The following STPG2 variants were observed in gnomAD, a reference collection of about 807,000 sequenced individuals.
STPG2 encodes the protein sperm tail PG-rich repeat containing 2.
A neutral mutation model predicts 54.2 loss-of-function variants in STPG2; 56 were observed. The ratio of observed to expected loss-of-function variants is 1.03; its 90% confidence interval spans 0.83 to 1.29. The LOEUF (loss-of-function observed/expected upper bound fraction) is 1.29. Ranked by LOEUF, STPG2 falls within the 50% of genes most tolerant of loss-of-function variation. The probability of loss-of-function intolerance (pLI) is 0.00; values close to 1 mark genes in which losing one functional copy is unlikely to be tolerated. For missense variants in STPG2, 596 were observed against 544.9 expected, an observed-to-expected ratio of 1.09 and a Z score of -0.93; for synonymous variants, 200 against 181.8, an observed-to-expected ratio of 1.10 and a Z score of -0.81.
At chr4:97,836,772 C>T (rs1728646624) in intron 9 of STPG2, among the ~76,000 whole-genome samples, 1 of 150,962 alleles carries the variant, frequency 6.6e-6, no homozygotes, top group Non-Finnish European at 1.5e-5. Flanking sequence ...TGAAATGAAG[C>T]TCTATAAACA....
At chr4:97,523,807 G>C (rs1731227761) in intron 4 of STPG2, among the ~76,000 whole-genome samples, 1 of 151,878 alleles carries the variant, frequency 6.6e-6, no homozygotes, top group Admixed American at 6.6e-5. Context: ...CCTATTATGT[G>C]GCAGTCACTG....
intron 7 of STPG2, among the ~76,000 whole-genome samples, chr4:97,971,290 T>A (rs546558045): frequency 1.2e-4 from 18 of 152,124 alleles, no homozygotes; most frequent in Non-Finnish European, 2.5e-4. Flanking sequence ...GACCCAGCAA[T>A]CCCATTATTG....
intron 4 of STPG2, among the ~76,000 whole-genome samples, chr4:97,521,503 A>G (rs78257783): frequency 0.021 from 3,251 of 152,180 alleles, 72 homozygotes; most frequent in African/African-American, 0.059. Flanking sequence ...TGACAAATGC[A>G]TAAACTGATA....
intron 10 of STPG2, among the ~76,000 whole-genome samples, chr4:97,614,817 A>T (rs1317441383): frequency 6.6e-6 from 1 of 152,170 alleles, no homozygotes; most frequent in African/African-American, 2.4e-5. Flanking sequence ...TACCCATAAC[A>T]TGGAAAGTTT....
chr4:97,971,352 CAT>C (rs1408352343), intron 7 of STPG2, among the ~76,000 whole-genome samples: 3 of 152,150 alleles, frequency 2.0e-5, no homozygotes, highest in African/African-American at 7.2e-5. Flanking sequence ...CACATGCACA[CAT>C]ATGTTTATTG....
chr4:97,876,217 C>G (rs1447552296), intron 8 of STPG2, among the ~76,000 whole-genome samples: 1 of 151,984 alleles, frequency 6.6e-6, no homozygotes, highest in African/African-American at 2.4e-5. Flanking sequence ...TAAGTATGCA[C>G]TATGAGACTC....
intron 3 of STPG2, among the ~76,000 whole-genome samples, chr4:98,119,176 A>G (rs1469523443): frequency 6.6e-6 from 1 of 152,146 alleles, no homozygotes; most frequent in East Asian, 1.9e-4. Flanking sequence ...TTCACTTTAC[A>G]TGAGTTAAAA....
intron 4 of STPG2, among the ~76,000 whole-genome samples, chr4:97,451,291 T>A (rs1056703023): frequency 6.6e-6 from 1 of 152,100 alleles, no homozygotes; most frequent in East Asian, 1.9e-4. Flanking sequence ...GACAGAAATA[T>A]GCCCATTATA....
intron 9 of STPG2, among the ~76,000 whole-genome samples, chr4:97,772,479 A>G (rs144723315): frequency 1.3e-5 from 2 of 152,318 alleles, no homozygotes; most frequent in African/African-American, 2.4e-5. Flanking sequence ...AGATAACTTT[A>G]GGAAGAATAA....
chr4:97,604,781 A>G (rs1733552497), intron 10 of STPG2, among the ~76,000 whole-genome samples: 1 of 151,904 alleles, frequency 6.6e-6, no homozygotes, highest in Non-Finnish European at 1.5e-5. Flanking sequence ...CTTCTGATTT[A>G]TCTTACATTC....
intron 5 of STPG2, 94 bp from the exon 6 acceptor site, chr4:97,981,412 G>A: frequency 8.0e-7 from 1 of 1,252,308 alleles, no homozygotes; most frequent in Non-Finnish European, 1.1e-6. Flanking sequence ...TATAACATCT[G>A]GAGTTAATTT....
chr4:97,910,295 T>C (rs1731628684), intron 8 of STPG2, among the ~76,000 whole-genome samples: 1 of 152,200 alleles, frequency 6.6e-6, no homozygotes. Flanking sequence ...CCCAGCTAGA[T>C]AATAGTTGAG....
At chr4:98,142,217 G>C (rs1740315421) in intron 1 of STPG2, among the ~76,000 whole-genome samples, 1 of 152,146 alleles carries the variant, frequency 6.6e-6, no homozygotes, top group African/African-American at 2.4e-5. Context: ...TCCACCCCAA[G>C]AAACCTAAAC....
intron 5 of STPG2, 128 bp downstream of exon 5, chr4:98,105,825 T>C: frequency 1.3e-6 from 1 of 799,420 alleles, no homozygotes; most frequent in Non-Finnish European, 1.8e-6. Flanking sequence ...TACTTCCTTC[T>C]ACAATATTCA....
chr4:97,920,335 G>A (rs1732051436), intron 8 of STPG2, among the ~76,000 whole-genome samples: 1 of 152,134 alleles, frequency 6.6e-6, no homozygotes, highest in African/African-American at 2.4e-5. Flanking sequence ...TACTTGTTTA[G>A]AAGTCTTGGT....
chr4:97,844,730 G>T (rs1287157915), intron 8 of STPG2, among the ~76,000 whole-genome samples: 1 of 151,868 alleles, frequency 6.6e-6, no homozygotes, highest in Non-Finnish European at 1.5e-5. Context: ...CATTTGGAGA[G>T]TTTTCAGCAA....
chr4:98,021,662 G>A (rs1161907868), intron 5 of STPG2, among the ~76,000 whole-genome samples: 1 of 151,716 alleles, frequency 6.6e-6, no homozygotes, highest in Non-Finnish European at 1.5e-5. Context: ...AAGTCTCTTT[G>A]TAGGTCACTC....
chr4:97,990,619 C>T (rs1255427372), intron 5 of STPG2, among the ~76,000 whole-genome samples: 1 of 152,126 alleles, frequency 6.6e-6, no homozygotes, highest in Admixed American at 6.6e-5. Flanking sequence ...TAAAGAACCA[C>T]AGACTGGCAC....
In STPG2 at chr4:97,972,346, A is replaced by C; in HGVS notation, c.867T>G (p.Ser289=). 6.2e-7 allele frequency: 1 copy of C among 1,611,276 alleles called. No individual in the cohort carries two copies. Among genetic ancestry groups the C allele is most frequent in the Non-Finnish European group, 8.5e-7 (1 of 1,178,470 alleles). Residue 289 remains serine (S), a synonymous_variant, in exon 7 of 11, where the codon TCT becomes TCG. Coordinates refer to ENST00000295268, the MANE Select transcript of STPG2 (RefSeq NM_174952.3). ...GAACCGAGAAGAAAGTCCGAGGAAC[A>C]GAAGAACCAAATGCACTTTTCTTCT... is the stretch of plus-strand genomic sequence containing the variant. ...KKQKKSAFGS[S]VPRTFFSVQK...
Sources: gnomAD v4.1 joint callset for allele counts (sites outside exome capture counted in the v4.1 genomes callset) on GRCh38, gnomAD v4.1.1 for gene constraint, MANE v1.5 for transcripts, NCBI Gene and HGNC (gene_info 2026-07-23, HGNC 2026-07-21) for gene names.